The following SLC7A5 variants were observed in gnomAD, a reference collection of about 807,000 sequenced individuals.
The protein encoded by SLC7A5 is solute carrier family 7 member 5.
A neutral mutation model predicts 50.2 loss-of-function variants in SLC7A5; 23 were observed. The ratio of observed to expected loss-of-function variants is 0.46; its 90% CI spans 0.33 to 0.65. SLC7A5 has a LOEUF of 0.65. SLC7A5 is among the 30% of genes least tolerant of loss of function. The probability of loss-of-function intolerance (pLI) is 0.02; values close to 1 mark genes in which losing one functional copy is unlikely to be tolerated. For missense variants in SLC7A5, 578 were observed against 684.4 expected (o/e 0.84, Z 1.73); for synonymous variants, 393 against 330.6 (o/e 1.19, Z -2.05).
intron 1 of SLC7A5, among the ~76,000 whole-genome samples, chr16:87,866,901 C>T (rs1476177482): frequency 6.6e-6 from 1 of 152,052 alleles, no homozygotes; most frequent in Non-Finnish European, 1.5e-5. Flanking sequence ...TCACTCCTGG[C>T]ACCAGCAGGA....
intron 4 of SLC7A5, 56 bp from the exon 5 acceptor site, chr16:87,839,881 C>A (rs1260207758): frequency 1.2e-6 from 2 of 1,610,552 alleles, no homozygotes; most frequent in Middle Eastern, 1.7e-4. Flanking sequence ...AAGGCCAAAC[C>A]CTGTGCCCAG....
rs2055236826 is a variant in SLC7A5, at chr16:87,852,233, G to C, written c.539-384C>G. 1.3e-5 allele frequency among the ~76,000 whole-genome samples: 2 copies of C among 152,100 alleles called. No individual in the cohort carries two copies. Among genetic ancestry groups the C allele is most frequent in the Non-Finnish European group, 1.5e-5 (1 of 68,004 alleles). ...TGGAAGGCGCCCATTACACCTTTTT[G>C]TACCTACTCAGCACCCTGACCTGAC... On this transcript the variant is annotated intron_variant, in intron 1 of 9. Coordinates refer to ENST00000261622, the MANE Select transcript of SLC7A5 (RefSeq NM_003486.7). The surrounding 1 kb of genome is among the most constrained non-coding windows in gnomAD (Gnocchi z 4.5).
chr16:87,837,729 T>G (rs2055025886), intron 7 of SLC7A5, 116 bp downstream of exon 7: 1 of 805,286 alleles, frequency 1.2e-6, no homozygotes, highest in Non-Finnish European at 2.0e-6. Context: ...GAGGCCACAT[T>G]TGAGCTGTCA....
rs571370457 is a variant in SLC7A5 at position 87,841,449 on chromosome 16, T to G, written c.665-294A>C. Among the ~76,000 whole-genome samples, 7 of 152,216 alleles carry G rather than the reference T, an allele frequency of 4.6e-5. No homozygotes were observed. Among genetic ancestry groups the G allele is most frequent in the Admixed American group, 4.6e-4 (7 of 15,292 alleles). Reference sequence around the variant, plus strand: ...GACGCTTGTCTACAGGAGGTCAGGATGGAGGGGTCAACCAGCCCCAGTTGC... The same window carrying G: ...GACGCTTGTCTACAGGAGGTCAGGAGGGAGGGGTCAACCAGCCCCAGTTGC... On this transcript the variant is annotated intron_variant, in intron 2 of 9. Coordinates refer to ENST00000261622, the MANE Select transcript of SLC7A5 (RefSeq NM_003486.7). The surrounding 1 kb of genome is among the most constrained non-coding windows in gnomAD (Gnocchi z 4.8).
intron 1 of SLC7A5, among the ~76,000 whole-genome samples, chr16:87,856,160 C>T (rs1032739198): frequency 6.6e-6 from 1 of 152,220 alleles, no homozygotes; most frequent in African/African-American, 2.4e-5. Context: ...TCAGACCCAA[C>T]AGAAACAGAA....
At position 87,853,732 on chromosome 16, in the gene SLC7A5, G is replaced by A. The variant is rs1418814043; in HGVS notation, c.539-1883C>T. 6.6e-6 allele frequency among the ~76,000 whole-genome samples: 1 copy of A among 152,056 alleles called. No homozygotes were observed. Among genetic ancestry groups the A allele is most frequent in the Non-Finnish European group, 1.5e-5 (1 of 68,038 alleles). ...TGGAGAGCTTTCTGGATTCGCAAGAGGCCGGCTGATTGCATCACTCGCTCA... is the reference window on the plus strand; with the variant it reads ...TGGAGAGCTTTCTGGATTCGCAAGAAGCCGGCTGATTGCATCACTCGCTCA... On this transcript the variant is annotated intron_variant, in intron 1 of 9. Coordinates refer to ENST00000261622, the MANE Select transcript of SLC7A5 (RefSeq NM_003486.7). This position sits in a 1 kb window ranked among gnomAD's most constrained non-coding sequence, Gnocchi z 4.4.
chr16:87,850,040 A>G lies in SLC7A5; in HGVS notation c.664+1684T>C, dbSNP rs550263113. Among the ~76,000 whole-genome samples, 210 of 152,312 alleles carry G rather than the reference A, an allele frequency of 1.4e-3. 1 individual carries two copies. The highest frequency in any genetic ancestry group is 4.9e-3 in the African/African-American group (202 of 41,574). On this transcript the variant is annotated intron_variant, in intron 2 of 9. Transcript: ENST00000261622. ...CTCGCCTCGCTGTGGTGAGGTCAGT[A>G]TAGCCCGGCACTGCATCCCCCTGCA... is the stretch of plus-strand genomic sequence containing the variant.
At position 87,841,387 on chromosome 16, in the gene SLC7A5, A is replaced by T. The variant is rs2055081530; in HGVS notation, c.665-232T>A. Among the ~76,000 whole-genome samples, 1 of 152,206 alleles carries T rather than the reference A, an allele frequency of 6.6e-6. No individual in the cohort carries two copies. The highest frequency in any genetic ancestry group is 2.4e-5 in the African/African-American group (1 of 41,460). ...AGGCCCTGTGCCCACCTGAGAGGGCACAGGCAGTTCTGACCACTGCCCAGG... is the reference window on the plus strand; with the variant it reads ...AGGCCCTGTGCCCACCTGAGAGGGCTCAGGCAGTTCTGACCACTGCCCAGG... On this transcript the variant is annotated intron_variant, in intron 2 of 9. Transcript: ENST00000261622. This position sits in a 1 kb window ranked among gnomAD's most constrained non-coding sequence, Gnocchi z 4.8.
intron 1 of SLC7A5, among the ~76,000 whole-genome samples, chr16:87,867,494 C>G (rs557556601): frequency 1.3e-5 from 2 of 152,314 alleles, no homozygotes; most frequent in South Asian, 4.1e-4. Flanking sequence ...AGAGAAACCA[C>G]ACAGAGCCCT....
At chr16:87,847,013 C>T (rs2055162577) in intron 2 of SLC7A5, among the ~76,000 whole-genome samples, 2 of 152,198 alleles carry the variant, frequency 1.3e-5, no homozygotes, top group South Asian at 4.1e-4. Flanking sequence ...CCTGCCCTTG[C>T]CCTCTCTCCG....
At chr16:87,855,772 G>GT (rs2055309795) in intron 1 of SLC7A5, among the ~76,000 whole-genome samples, 1 of 152,182 alleles carries the variant, frequency 6.6e-6, no homozygotes, top group Non-Finnish European at 1.5e-5. Context: ...TGGAGAGCAG[G>GT]TGGGACCTGT....
intron 1 of SLC7A5, among the ~76,000 whole-genome samples, chr16:87,855,640 C>T (rs1597511124): frequency 1.3e-5 from 2 of 152,034 alleles, no homozygotes; most frequent in South Asian, 2.1e-4. Flanking sequence ...GCATCTTGGT[C>T]TCCTGGCCCC....
In SLC7A5 at chr16:87,869,303, C is replaced by A; in HGVS notation, c.120G>T (p.Glu40Asp). The A allele has an allele frequency of 6.2e-7, 1 of 1,611,408 alleles. No homozygotes were observed. Among genetic ancestry groups the A allele is most frequent in the South Asian group, 1.1e-5 (1 of 91,002 alleles). ...KSADGSAPAGEGEGVTLQRNI... is the reference protein window; with the variant it reads ...KSADGSAPAGDGEGVTLQRNI... ...TCCGCTGCAGGGTCACGCCCTCGCC[C>A]TCGCCTGCCGGCGCCGAGCCGTCCG... The change falls in exon 1 of 10, where the codon GAG (glutamate) becomes GAT (aspartate). Residue 40 changes from glutamate (E) to aspartate (D), a missense_variant. By Grantham distance (45) the Glu-to-Asp change is conservative. Coordinates refer to ENST00000261622, the MANE Select transcript of SLC7A5 (RefSeq NM_003486.7).
Position 87,862,582 on chromosome 16 carries a change from CT to C in SLC7A5, c.538+6302del, listed in dbSNP as rs1484620729. Reference sequence around the variant, plus strand: ...CCTCCCTCTCTTTGTTCCCTTGCTCCTTCCTTCTTTTGCCAGAGGAGAAGAC... The same window carrying C: ...CCTCCCTCTCTTTGTTCCCTTGCTCCTCCTTCTTTTGCCAGAGGAGAAGAC... On this transcript the variant is annotated intron_variant, in intron 1 of 9. Transcript: ENST00000261622. The surrounding 1 kb of genome is among the most constrained non-coding windows in gnomAD (Gnocchi z 5.3). Among the ~76,000 whole-genome samples, 6 of 152,254 alleles carry C rather than the reference CT, an allele frequency of 3.9e-5. No individual in the cohort carries two copies. Among genetic ancestry groups the C allele is most frequent in the Non-Finnish European group, 8.8e-5 (6 of 68,048 alleles).
intron 5 of SLC7A5, among the ~76,000 whole-genome samples, chr16:87,839,050 C>T (rs539919142): frequency 9.8e-5 from 15 of 152,336 alleles, no homozygotes; most frequent in Admixed American, 6.5e-4. Flanking sequence ...CCTGATTTGC[C>T]CCCTCCTCTG....
chr16:87,863,986 A>AAAAAAAAGATATATATAT (rs376938738), intron 1 of SLC7A5, among the ~76,000 whole-genome samples: 1 of 83,280 alleles, frequency 1.2e-5, no homozygotes, highest in African/African-American at 3.9e-5. Flanking sequence ...ATCATTTAAA[A>AAAAAAAAGATATATATAT]ATATATATAT....
Position 87,841,703 on chromosome 16 carries a change from C to G in SLC7A5, c.665-548G>C, listed in dbSNP as rs1333632642. The stretch of plus-strand genomic sequence containing the variant: ...TGGACCGTGCTGAGTGTGTGGCCAG[C>G]TGCAGCCGGGGCAGGGGCAGGAGCA... On this transcript the variant is annotated intron_variant, in intron 2 of 9. Coordinates refer to ENST00000261622, the MANE Select transcript of SLC7A5 (RefSeq NM_003486.7). The surrounding 1 kb of genome is among the most constrained non-coding windows in gnomAD (Gnocchi z 4.8). Among the ~76,000 whole-genome samples, 1 of 152,188 alleles carries G rather than the reference C, an allele frequency of 6.6e-6. No homozygotes were observed. The highest frequency in any genetic ancestry group is 1.5e-5 in the Non-Finnish European group (1 of 68,028).
chr16:87,839,687 C>T lies in SLC7A5; in HGVS notation c.939+15G>A, dbSNP rs200313936. On this transcript the variant is annotated intron_variant, in intron 5 of 9. Coordinates refer to ENST00000261622, the MANE Select transcript of SLC7A5 (RefSeq NM_003486.7). Reference sequence around the variant, plus strand: ...CTCTCAGGCCCCTGGTGGAAGCTGGCGGGTAGCGGCTCACCACGGCCACGG... The same window carrying T: ...CTCTCAGGCCCCTGGTGGAAGCTGGTGGGTAGCGGCTCACCACGGCCACGG... The T allele has an allele frequency of 3.8e-5, 61 of 1,612,654 alleles. No homozygotes were observed. Among genetic ancestry groups the T allele is most frequent in the South Asian group, 5.5e-5 (5 of 91,056 alleles).
At position 87,841,938 on chromosome 16, in the gene SLC7A5, G is replaced by A. The variant is rs2055087663; in HGVS notation, c.665-783C>T. 6.6e-6 allele frequency among the ~76,000 whole-genome samples: 1 copy of A among 152,218 alleles called. No individual in the cohort carries two copies. The highest frequency in any genetic ancestry group is 2.1e-4 in the South Asian group (1 of 4,838). On this transcript the variant is annotated intron_variant, in intron 2 of 9. Transcript: ENST00000261622. The surrounding 1 kb of genome is among the most constrained non-coding windows in gnomAD (Gnocchi z 4.8). ...GGTTCCCCAGGAGGACATGTCTTTTGGGGGAAGGGGTGTCTCCGGAAGGTC... is the reference window on the plus strand; with the variant it reads ...GGTTCCCCAGGAGGACATGTCTTTTAGGGGAAGGGGTGTCTCCGGAAGGTC...
Sources: allele counts gnomAD v4.1 joint callset (sites outside exome capture counted in the v4.1 genomes callset), GRCh38; gene constraint gnomAD v4.1.1; non-coding constraint Gnocchi (gnomAD v3.1); transcripts MANE v1.5; gene names NCBI Gene and HGNC (gene_info 2026-07-23, HGNC 2026-07-21).